Variants in MRTFA observed in about 807,000 individuals in gnomAD.
MRTFA encodes myocardin-related transcription factor A.
A neutral mutation model predicts 83.5 loss-of-function variants in MRTFA; 20 were observed. The ratio of observed to expected loss-of-function variants is 0.24; its 90% CI spans 0.17 to 0.35. The LOEUF (loss-of-function observed/expected upper bound fraction) is 0.35. Among genes scored for constraint, MRTFA ranks in the 10% least tolerant of loss-of-function variants. The pLI, the probability that MRTFA is intolerant of heterozygous loss-of-function variation, is 1.00. For missense variants in MRTFA, 1,200 were observed against 1,224.7 expected, an observed-to-expected ratio of 0.98 and a Z score of 0.30; for synonymous variants, 659 against 541.2, an observed-to-expected ratio of 1.22 and a Z score of -3.02.
intron 3 of MRTFA, among the ~76,000 whole-genome samples, chr22:40,498,081 A>C (rs993398948): frequency 2.0e-5 from 3 of 151,890 alleles, no homozygotes; most frequent in Non-Finnish European, 2.9e-5. Flanking sequence ...TGGAGGGTGC[A>C]GTAAGCCAAG....
At chr22:40,449,224 G>A (rs556102601) in intron 4 of MRTFA, among the ~76,000 whole-genome samples, 2 of 147,586 alleles carry the variant, frequency 1.4e-5, no homozygotes, top group African/African-American at 2.5e-5. Context: ...CCGAGATTGC[G>A]CCACTACACT....
At chr22:40,541,528 G>A (rs546010852) in intron 3 of MRTFA, among the ~76,000 whole-genome samples, 1 of 152,258 alleles carries the variant, frequency 6.6e-6, no homozygotes, top group African/African-American at 2.4e-5. Context: ...TCCTGAGGCA[G>A]CTTCCATTTC....
chr22:40,430,525 T>C (rs1172368767), intron 6 of MRTFA, among the ~76,000 whole-genome samples: 1 of 151,724 alleles, frequency 6.6e-6, no homozygotes, highest in Non-Finnish European at 1.5e-5. Flanking sequence ...TAAATATATT[T>C]ATGCTGCTTC....
At chr22:40,493,031 A>G (rs970898529) in intron 3 of MRTFA, among the ~76,000 whole-genome samples, 1 of 152,192 alleles carries the variant, frequency 6.6e-6, no homozygotes, top group Non-Finnish European at 1.5e-5. Context: ...ACCCACCAAA[A>G]TTTGGGATTC....
Position 40,410,657 on chromosome 22 carries a change from G to C in MRTFA, c.*733C>G, listed in dbSNP as rs1357294627. ...ACATGTCAATCACACGTGATGGGTG[G>C]GCCTGGGTAGCTGCATGCCAGACTG... On this transcript the variant is annotated 3_prime_UTR_variant, in exon 15 of 15. Coordinates refer to ENST00000355630, the MANE Select transcript of MRTFA (RefSeq NM_020831.6). 8.6e-6 allele frequency: 2 copies of C among 233,386 alleles called. No individual in the cohort carries two copies. Among genetic ancestry groups the C allele is most frequent in the Non-Finnish European group, 1.7e-5 (2 of 117,974 alleles). 14.5% of individuals were successfully genotyped at this position (233,386 alleles called of 1,614,324 possible). A position where few individuals can be genotyped will look rare whatever the true frequency, so the allele number is the denominator to read the frequency against.
At chr22:40,518,352 A>G (rs765310947) in intron 3 of MRTFA, among the ~76,000 whole-genome samples, 1 of 152,002 alleles carries the variant, frequency 6.6e-6, no homozygotes, top group East Asian at 1.9e-4. Context: ...CCAGGGAATT[A>G]ATGTCATAAT....
intron 2 of MRTFA, among the ~76,000 whole-genome samples, chr22:40,558,761 T>G (rs1409463957): frequency 3.3e-5 from 5 of 150,124 alleles, no homozygotes; most frequent in Non-Finnish European, 7.4e-5. Flanking sequence ...AGTTCTTGGT[T>G]TTTTGGTTTT....
intron 5 of MRTFA, among the ~76,000 whole-genome samples, chr22:40,431,886 A>C (rs2053075811): frequency 6.6e-6 from 1 of 152,240 alleles, no homozygotes; most frequent in Non-Finnish European, 1.5e-5. Context: ...TCTTCCATGC[A>C]GAAAATAGGC....
At chr22:40,444,859 G>A (rs965745760) in intron 4 of MRTFA, among the ~76,000 whole-genome samples, 2 of 152,166 alleles carry the variant, frequency 1.3e-5, no homozygotes, top group Non-Finnish European at 2.9e-5. Flanking sequence ...CTTGAGGCCA[G>A]GAGTTTGGCA....
chr22:40,531,910 C>G (rs937146922), intron 3 of MRTFA, among the ~76,000 whole-genome samples: 8 of 152,204 alleles, frequency 5.3e-5, no homozygotes, highest in African/African-American at 1.9e-4. Flanking sequence ...CTGGAGATAT[C>G]AGTTTGCTAT....
chr22:40,520,829 C>T (rs2054854003), intron 3 of MRTFA, among the ~76,000 whole-genome samples: 1 of 151,928 alleles, frequency 6.6e-6, no homozygotes, highest in Non-Finnish European at 1.5e-5. Context: ...GGGTTGTTTC[C>T]ACTTTTTAGC....
chr22:40,591,065 G>A (rs2056113673), intron 2 of MRTFA, among the ~76,000 whole-genome samples: 2 of 152,246 alleles, frequency 1.3e-5, no homozygotes, highest in South Asian at 4.1e-4. Context: ...AACCTGGGAG[G>A]TGGAGGCTGC....
At chr22:40,584,730 C>CAAAA (rs58633243) in intron 2 of MRTFA, among the ~76,000 whole-genome samples, 7 of 57,012 alleles carry the variant, frequency 1.2e-4, no homozygotes, top group African/African-American at 4.0e-4. Flanking sequence ...GACTCTGTCT[C>CAAAA]AAAAAAAAAA....
At chr22:40,552,924 G>C (rs747860863) in intron 2 of MRTFA, among the ~76,000 whole-genome samples, 2 of 152,222 alleles carry the variant, frequency 1.3e-5, no homozygotes, top group Non-Finnish European at 2.9e-5. Context: ...ACTTCCTAGA[G>C]ACCTGTTGAA....
intron 1 of MRTFA, among the ~76,000 whole-genome samples, chr22:40,622,263 C>A (rs1394216115): frequency 1.3e-5 from 2 of 151,950 alleles, no homozygotes; most frequent in Non-Finnish European, 2.9e-5. Flanking sequence ...AGGTAGATCA[C>A]GAGGTCAGGA....
rs764363053 is a variant in MRTFA, at chr22:40,418,883, C to T, written c.1855G>A (p.Glu619Lys). 63 of 1,612,526 alleles carry T rather than the reference C, an allele frequency of 3.9e-5. No individual in the cohort carries two copies. The highest frequency in any genetic ancestry group is 1.6e-4 in the Middle Eastern group (1 of 6,078). The change falls in exon 12 of 15, where the codon GAG becomes AAG. Residue 619 changes from glutamate to lysine, a missense_variant. This residue lies in a region of MRTFA where 1,107 missense variants were observed against 1,041.8 expected (regional missense o/e 1.06). Coordinates refer to ENST00000355630, the MANE Select transcript of MRTFA (RefSeq NM_020831.6). ...AGCATCTGGTCCTTGTCGCGCCCCT[C>T]TAGCTCCGCCCGCCCCCCAGGGCTC... is the stretch of plus-strand genomic sequence containing the variant.
At chr22:40,520,436 C>T (rs1402754750) in intron 3 of MRTFA, among the ~76,000 whole-genome samples, 3 of 151,542 alleles carry the variant, frequency 2.0e-5, no homozygotes, top group Non-Finnish European at 4.4e-5. Context: ...AGACGAGTCT[C>T]GTTCTGTCAC....
chr22:40,613,407 C>T (rs547923939), intron 1 of MRTFA, among the ~76,000 whole-genome samples: 1 of 152,288 alleles, frequency 6.6e-6, no homozygotes, highest in South Asian at 2.1e-4. Flanking sequence ...TTGTAAGAAA[C>T]TGACAAACTT....
At chr22:40,497,869 C>A (rs1237595632) in intron 3 of MRTFA, among the ~76,000 whole-genome samples, 1 of 152,116 alleles carries the variant, frequency 6.6e-6, no homozygotes, top group African/African-American at 2.4e-5. Context: ...CACAGTAGCT[C>A]ACACCTGTAA....
Sources: allele counts gnomAD v4.1 joint callset (sites outside exome capture counted in the v4.1 genomes callset), GRCh38; gene constraint gnomAD v4.1.1; regional missense constraint gnomAD v4.1.1; transcripts MANE v1.5; gene names NCBI Gene and HGNC (gene_info 2026-07-23, HGNC 2026-07-21).